Variants in POLR3B observed in about 807,000 individuals in gnomAD.
POLR3B encodes RNA polymerase III subunit B.
A neutral mutation model predicts 147.4 loss-of-function variants in POLR3B; 96 were observed. The ratio of observed to expected loss-of-function variants is 0.65; its 90% CI spans 0.55 to 0.77. The LOEUF (loss-of-function observed/expected upper bound fraction) is 0.77, where lower values mean the gene tolerates loss of function less well. POLR3B is among the 30% of genes least tolerant of loss of function. The pLI, the probability that POLR3B is intolerant of heterozygous loss-of-function variation, is 0.00. For missense variants in POLR3B, 1,036 were observed against 1,413.5 expected (o/e 0.73, Z 4.28); for synonymous variants, 461 against 485.9 (o/e 0.95, Z 0.67).
intron 12 of POLR3B, among the ~76,000 whole-genome samples, chr12:106,412,194 T>C (rs1245787464): frequency 1.3e-5 from 2 of 152,202 alleles, no homozygotes; most frequent in African/African-American, 4.8e-5. Context: ...GCTGTATTCC[T>C]CTAAAGAGTG....
intron 2 of POLR3B, among the ~76,000 whole-genome samples, chr12:106,366,239 C>T (rs1346156097): frequency 6.6e-6 from 1 of 152,128 alleles, no homozygotes; most frequent in Non-Finnish European, 1.5e-5. Flanking sequence ...ACCATATATT[C>T]ATGTACTCAT....
At chr12:106,441,013 TC>T (rs1454072049) in intron 18 of POLR3B, among the ~76,000 whole-genome samples, 1 of 152,178 alleles carries the variant, frequency 6.6e-6, no homozygotes, top group Non-Finnish European at 1.5e-5. Flanking sequence ...AAAGAATGAA[TC>T]CCCTTCCTTT....
intron 23 of POLR3B, among the ~76,000 whole-genome samples, chr12:106,482,490 C>T (rs2038281429): frequency 6.6e-6 from 1 of 151,852 alleles, no homozygotes; most frequent in Non-Finnish European, 1.5e-5. Flanking sequence ...TCTTACACGG[C>T]CAGAGCAGGA....
At chr12:106,373,017 G>GT (rs2036631441) in intron 6 of POLR3B, among the ~76,000 whole-genome samples, 1 of 152,154 alleles carries the variant, frequency 6.6e-6, no homozygotes, top group African/African-American at 2.4e-5. Context: ...GTAGAGACCT[G>GT]TTTCTATAAA....
chr12:106,442,446 A>G (rs539840787), intron 18 of POLR3B, among the ~76,000 whole-genome samples: 82 of 152,320 alleles, frequency 5.4e-4, no homozygotes, highest in African/African-American at 1.9e-3. Flanking sequence ...AGAAAAAAGC[A>G]AAACAAAACC....
Position 106,454,653 on chromosome 12 carries a change from C to T in POLR3B, c.2235C>T (p.Ser745=). Reference sequence around the variant, plus strand: ...AGAATGCAACAGTTGCTGTGATGAGCTATAGTGGCTATGATATTGAAGATG... The same window carrying T: ...AGAATGCAACAGTTGCTGTGATGAGTTATAGTGGCTATGATATTGAAGATG... The part of the protein sequence containing the change: ...AGQNATVAVM[S]YSGYDIEDAL... The change falls in exon 20 of 28, where the codon AGC becomes AGT. Residue 745 remains serine, a synonymous_variant. Coordinates refer to ENST00000228347, the MANE Select transcript of POLR3B (RefSeq NM_018082.6). 1 of 1,611,874 alleles carries T rather than the reference C, an allele frequency of 6.2e-7. No homozygotes were observed. Among genetic ancestry groups the T allele is most frequent in the Non-Finnish European group, 8.5e-7 (1 of 1,178,114 alleles).
intron 9 of POLR3B, 142 bp from the exon 10 acceptor site, chr12:106,392,889 A>G (rs922664292): frequency 2.0e-6 from 2 of 984,842 alleles, no homozygotes; most frequent in African/African-American, 1.6e-5. Context: ...CAAGGCTGCC[A>G]ATGCCAGATG....
intron 1 of POLR3B, among the ~76,000 whole-genome samples, chr12:106,361,856 T>C (rs2036473803): frequency 6.6e-6 from 1 of 152,164 alleles, no homozygotes; most frequent in African/African-American, 2.4e-5. Flanking sequence ...CAGAGTGTTA[T>C]AAGACAGTGA....
chr12:106,501,209 T>C, intron 25 of POLR3B, 114 bp from the exon 26 acceptor site: 1 of 747,974 alleles, frequency 1.3e-6, no homozygotes, highest in South Asian at 1.4e-5. Flanking sequence ...CTGAAAATCA[T>C]TCTTATCCAG....
At chr12:106,462,877 C>T (rs2037959268) in intron 22 of POLR3B, among the ~76,000 whole-genome samples, 1 of 152,058 alleles carries the variant, frequency 6.6e-6, no homozygotes, top group South Asian at 2.1e-4. Flanking sequence ...TCATCCCCCA[C>T]CCCCAGCAGA....
intron 11 of POLR3B, among the ~76,000 whole-genome samples, chr12:106,409,575 T>C (rs1453814172): frequency 2.0e-5 from 3 of 151,468 alleles, no homozygotes; most frequent in African/African-American, 2.4e-5. Flanking sequence ...TGAAGGAAAA[T>C]GGAGTATTTG....
At chr12:106,482,476 C>T (rs537954566) in intron 23 of POLR3B, among the ~76,000 whole-genome samples, 3 of 152,180 alleles carry the variant, frequency 2.0e-5, no homozygotes, top group East Asian at 1.9e-4. Context: ...GGGAAGCAGG[C>T]ACATCTTACA....
chr12:106,382,008 C>T (rs1297685640), intron 9 of POLR3B: 1 of 152,218 alleles, frequency 6.6e-6, no homozygotes, highest in East Asian at 1.9e-4. Context: ...TGAGGATGAC[C>T]AGAGGTCACT....
At chr12:106,419,369 A>G (rs747777946) in intron 12 of POLR3B, among the ~76,000 whole-genome samples, 13 of 152,238 alleles carry the variant, frequency 8.5e-5, no homozygotes, top group Non-Finnish European at 1.6e-4. Context: ...TAAAGAAGGA[A>G]AAGCATGAAA....
At chr12:106,405,561 C>T (rs1367815711) in intron 10 of POLR3B, among the ~76,000 whole-genome samples, 1 of 151,510 alleles carries the variant, frequency 6.6e-6, no homozygotes, top group African/African-American at 2.4e-5. Context: ...CACACACACA[C>T]ACACACACAC....
rs757392794 is a variant in POLR3B at position 106,463,555 on chromosome 12, T to C, written c.2648T>C (p.Met883Thr). ...GCTGAAGATGCTTTTCTGATCAAAA[T>C]GCTGCTGAGACAGACAAGGCGTCCA... is the stretch of plus-strand genomic sequence containing the variant. ...SNAEDAFLIK[M>T]LLRQTRRPEI... is the part of the protein sequence containing the mutation. Residue 883 changes from methionine to threonine, a missense_variant, in exon 23 of 28, where the codon ATG becomes ACG. Transcript: ENST00000228347. The C allele has an allele frequency of 2.9e-5, 47 of 1,613,560 alleles. No individual in the cohort carries two copies. The highest frequency in any genetic ancestry group is 4.5e-5 in the East Asian group (2 of 44,880).
intron 27 of POLR3B, among the ~76,000 whole-genome samples, chr12:106,505,432 C>T (rs2038671119): frequency 6.6e-6 from 1 of 152,070 alleles, no homozygotes; most frequent in African/African-American, 2.4e-5. Flanking sequence ...GGACTTCAGG[C>T]TCACACCACC....
At chr12:106,486,265 G>A (rs903217829) in intron 23 of POLR3B, among the ~76,000 whole-genome samples, 2 of 145,278 alleles carry the variant, frequency 1.4e-5, no homozygotes, top group African/African-American at 5.2e-5. Context: ...CTCCAGCCTG[G>A]GGTCAGAGGG....
intron 12 of POLR3B, among the ~76,000 whole-genome samples, chr12:106,416,848 A>G (rs1031415048): frequency 2.0e-4 from 31 of 151,990 alleles, no homozygotes; most frequent in African/African-American, 7.0e-4. Context: ...AGGCACTTAC[A>G]TCTTCTCAAA....
Sources: allele counts gnomAD v4.1 joint callset (sites outside exome capture counted in the v4.1 genomes callset), GRCh38; gene constraint gnomAD v4.1.1; transcripts MANE v1.5; gene names NCBI Gene and HGNC (gene_info 2026-07-23, HGNC 2026-07-21).